The following SLC24A2 variants were observed in gnomAD, a reference collection of about 807,000 sequenced individuals.
SLC24A2 encodes solute carrier family 24 member 2, also known as sodium/potassium/calcium exchanger 2.
In SLC24A2, 36 loss-of-function variants were observed where a neutral mutation model predicts 62.0. That is an observed-to-expected ratio of 0.58 (90% CI 0.44 to 0.77). SLC24A2 has a LOEUF of 0.77. Ranked by LOEUF, SLC24A2 falls within the 30% of genes least tolerant of loss-of-function variation. SLC24A2 has a pLI of 0.00. For missense variants in SLC24A2, 846 were observed against 817.9 expected (o/e 1.03, Z -0.42); for synonymous variants, 358 against 294.0 (o/e 1.22, Z -2.23).
At chr9:19,698,881 TC>T (rs1820275148) in intron 2 of SLC24A2, among the ~76,000 whole-genome samples, 1 of 152,136 alleles carries the variant, frequency 6.6e-6, no homozygotes, top group African/African-American at 2.4e-5. Flanking sequence ...ATATCACACT[TC>T]CATTCATTTA....
At chr9:20,047,201 T>A in the SLC24A2 span, among the ~76,000 whole-genome samples, 7 of 152,138 alleles carry the variant, frequency 4.6e-5, no homozygotes, top group Non-Finnish European at 8.8e-5. Context: ...ACCTAGCATT[T>A]GAGAACACCA....
chr9:19,626,103 A>T (rs1818028211), intron 2 of SLC24A2, among the ~76,000 whole-genome samples: 1 of 152,208 alleles, frequency 6.6e-6, no homozygotes, highest in Non-Finnish European at 1.5e-5. Context: ...TAGCATTTTG[A>T]TGCTATAAAT....
the SLC24A2 span, among the ~76,000 whole-genome samples, chr9:20,076,890 A>G: frequency 5.1e-5 from 3 of 58,860 alleles, no homozygotes; most frequent in South Asian, 4.1e-4. Context: ...TACATATCAT[A>G]TGTGTATATA....
At chr9:19,569,768 G>C (rs939202939) in intron 7 of SLC24A2, among the ~76,000 whole-genome samples, 1 of 152,086 alleles carries the variant, frequency 6.6e-6, no homozygotes, top group East Asian at 1.9e-4. Context: ...AGCTCTGCTT[G>C]GCCCTCCTCT....
chr9:19,959,295 C>CA, the SLC24A2 span, among the ~76,000 whole-genome samples: 1 of 152,092 alleles, frequency 6.6e-6, no homozygotes, highest in Non-Finnish European at 1.5e-5. Context: ...AACCAAGCTA[C>CA]AAAAATGGAT....
the SLC24A2 span, among the ~76,000 whole-genome samples, chr9:20,241,611 T>G: frequency 6.6e-6 from 1 of 152,172 alleles, no homozygotes; most frequent in Admixed American, 6.5e-5. Context: ...GCAAGGATGA[T>G]TACATGATCT....
the SLC24A2 span, among the ~76,000 whole-genome samples, chr9:19,877,378 G>GCCAAA: frequency 7.2e-6 from 1 of 139,638 alleles, no homozygotes; most frequent in African/African-American, 2.6e-5. Flanking sequence ...ATGGAGTTTG[G>GCCAAA]CTCCATAGTT....
At chr9:19,675,766 C>T (rs1292471348) in intron 2 of SLC24A2, among the ~76,000 whole-genome samples, 1 of 152,028 alleles carries the variant, frequency 6.6e-6, no homozygotes, top group Non-Finnish European at 1.5e-5. Context: ...GAAACCTACC[C>T]CAGGCTGAGA....
At chr9:19,954,869 T>G in the SLC24A2 span, among the ~76,000 whole-genome samples, 1 of 152,164 alleles carries the variant, frequency 6.6e-6, no homozygotes, top group African/African-American at 2.4e-5. Flanking sequence ...CCAACAATCC[T>G]GTGGGTTAAC....
the SLC24A2 span, among the ~76,000 whole-genome samples, chr9:20,086,899 G>C: frequency 1.3e-5 from 2 of 152,188 alleles, no homozygotes; most frequent in African/African-American, 2.4e-5. Context: ...ACTTACAAGA[G>C]GTTATTTGAG....
intron 2 of SLC24A2, among the ~76,000 whole-genome samples, chr9:19,704,900 T>C (rs1197315009): frequency 6.6e-6 from 1 of 152,116 alleles, no homozygotes; most frequent in Non-Finnish European, 1.5e-5. Context: ...AACAGATCGG[T>C]TTCCCTTAAC....
chr9:20,258,970 A>G, the SLC24A2 span, among the ~76,000 whole-genome samples: 1 of 152,114 alleles, frequency 6.6e-6, no homozygotes, highest in Non-Finnish European at 1.5e-5. Context: ...AGGGGAGAGT[A>G]TGCTGGATTA....
intron 2 of SLC24A2, among the ~76,000 whole-genome samples, chr9:19,769,447 C>T (rs1822617995): frequency 6.6e-6 from 1 of 152,240 alleles, no homozygotes. Flanking sequence ...CTGTCTCTAA[C>T]ATGAGTCACA....
chr9:19,530,007 C>G (rs1833624869), intron 8 of SLC24A2, among the ~76,000 whole-genome samples: 1 of 151,760 alleles, frequency 6.6e-6, no homozygotes, highest in Admixed American at 6.6e-5. Flanking sequence ...CCTGCTTCAG[C>G]CTCCCAAAGT....
chr9:19,634,381 C>G (rs768640031), intron 2 of SLC24A2, among the ~76,000 whole-genome samples: 1 of 151,444 alleles, frequency 6.6e-6, no homozygotes, highest in Non-Finnish European at 1.5e-5. Flanking sequence ...CTCCACCTCC[C>G]GGTTTCAAGC....
chr9:20,307,653 T>G, the SLC24A2 span, among the ~76,000 whole-genome samples: 1 of 152,328 alleles, frequency 6.6e-6, no homozygotes, highest in Non-Finnish European at 1.5e-5. Context: ...AAATACTTAC[T>G]GCTTAAAGAG....
At chr9:19,716,796 G>C (rs1042711967) in intron 2 of SLC24A2, among the ~76,000 whole-genome samples, 1 of 152,002 alleles carries the variant, frequency 6.6e-6, no homozygotes, top group African/African-American at 2.4e-5. Context: ...TTTGCCACAT[G>C]TTTTCTGCTT....
At chr9:19,997,646 A>G in the SLC24A2 span, among the ~76,000 whole-genome samples, 1 of 152,170 alleles carries the variant, frequency 6.6e-6, no homozygotes, top group African/African-American at 2.4e-5. Context: ...AGTGGTTAGA[A>G]ATGATTCCAC....
At chr9:19,994,711 T>A in the SLC24A2 span, among the ~76,000 whole-genome samples, 1 of 152,186 alleles carries the variant, frequency 6.6e-6, no homozygotes, top group East Asian at 1.9e-4. Context: ...GGACATGGGC[T>A]GCCATCTACT....
Sources: gnomAD v4.1 joint callset for allele counts (sites outside exome capture counted in the v4.1 genomes callset) on GRCh38, gnomAD v4.1.1 for gene constraint, MANE v1.5 for transcripts, NCBI Gene and HGNC (gene_info 2026-07-23, HGNC 2026-07-21) for gene names.